The following NTRK3 variants were observed in gnomAD, a reference collection of about 807,000 sequenced individuals.
NTRK3 encodes the protein NT-3 growth factor receptor.
A neutral mutation model predicts 91.7 loss-of-function variants in NTRK3; 24 were observed. That is an observed-to-expected ratio of 0.26 (90% confidence interval 0.19 to 0.37). The LOEUF (loss-of-function observed/expected upper bound fraction) is 0.37, where lower values mean the gene tolerates loss of function less well. Among genes scored for constraint, NTRK3 ranks in the 10% least tolerant of loss-of-function variants. The pLI is 1.00. For synonymous variants in NTRK3, 483 were observed against 404.0 expected (o/e 1.20, Z -2.34); for missense variants, 880 against 1,068.9 (o/e 0.82, Z 2.46).
exon 19 of NTRK3, chr15:87,866,627 G>T: frequency 5.4e-6 from 1 of 185,938 alleles, no homozygotes. Flanking sequence ...GAACAGAGTT[G>T]AAGTATCTAT....
chr15:88,114,122 C>T (rs895947323), intron 13 of NTRK3, among the ~76,000 whole-genome samples: 2 of 152,186 alleles, frequency 1.3e-5, no homozygotes, highest in African/African-American at 2.4e-5. Flanking sequence ...TCCTAAGTGA[C>T]ACCAGAGCCG....
chr15:87,942,440 C>T (rs151257760), intron 14 of NTRK3, among the ~76,000 whole-genome samples: 70 of 152,336 alleles, frequency 4.6e-4, no homozygotes, highest in African/African-American at 1.5e-3. Context: ...GAGTCTCCCA[C>T]TGCGAGAAAA....
At chr15:87,982,749 A>T (rs2074401086) in intron 14 of NTRK3, among the ~76,000 whole-genome samples, 1 of 152,194 alleles carries the variant, frequency 6.6e-6, no homozygotes, top group Non-Finnish European at 1.5e-5. Flanking sequence ...CTTTATATTG[A>T]CTGCAGCAAG....
intron 13 of NTRK3, among the ~76,000 whole-genome samples, chr15:88,097,719 G>C (rs182867103): frequency 6.6e-6 from 1 of 152,186 alleles, no homozygotes; most frequent in African/African-American, 2.4e-5. Flanking sequence ...CTTTAAAAAC[G>C]ATGGTTATAA....
intron 13 of NTRK3, among the ~76,000 whole-genome samples, chr15:88,106,956 A>G (rs1334682639): frequency 6.6e-6 from 1 of 151,562 alleles, no homozygotes; most frequent in African/African-American, 2.4e-5. Context: ...AAAAAAAAGT[A>G]TGGGAATATA....
intron 14 of NTRK3, among the ~76,000 whole-genome samples, chr15:88,021,202 C>T (rs1307411445): frequency 6.6e-6 from 1 of 152,204 alleles, no homozygotes. Flanking sequence ...TGTTACCACC[C>T]CAATTCGGGC....
At chr15:88,102,727 C>T (rs924335754) in intron 13 of NTRK3, among the ~76,000 whole-genome samples, 5 of 152,202 alleles carry the variant, frequency 3.3e-5, no homozygotes, top group African/African-American at 1.2e-4. Context: ...CCTCCGAAAT[C>T]TCCCCAAGAA....
rs190652750 is a variant in NTRK3 at position 87,988,535 on chromosome 15, G to A, written c.1585+44322C>T. 2.8e-4 allele frequency among the ~76,000 whole-genome samples: 43 copies of A among 152,128 alleles called. 1 individual carries two copies. The East Asian group carries it at 5.8e-3, about 20-fold the overall frequency. ...GGATGAGAGATATAAGGGAATGCTC[G>A]GTACCACTGTTATAACTTCTATATG... On this transcript the variant is annotated intron_variant, in intron 14 of 18. Transcript: ENST00000394480.
At chr15:88,135,174 G>C (rs2151190669) in exon 10 of NTRK3, 1 of 1,614,230 alleles carries the variant, frequency 6.2e-7, no homozygotes, top group Non-Finnish European at 8.5e-7. Flanking sequence ...TGGCAATGAG[G>C]GTATAGTTGC....
At chr15:88,189,215 T>G (rs1567613751) in intron 3 of NTRK3, among the ~76,000 whole-genome samples, 1 of 152,114 alleles carries the variant, frequency 6.6e-6, no homozygotes, top group Non-Finnish European at 1.5e-5. Context: ...GCAGAGTCTC[T>G]TTGGCAATTC....
chr15:88,200,925 C>A (rs2048249872), intron 3 of NTRK3, among the ~76,000 whole-genome samples: 1 of 152,210 alleles, frequency 6.6e-6, no homozygotes, highest in South Asian at 2.1e-4. Flanking sequence ...CCCAGCTGCT[C>A]AGCTAGGCTC....
At chr15:88,183,761 A>T (rs2151616693) in intron 4 of NTRK3, among the ~76,000 whole-genome samples, 1 of 152,286 alleles carries the variant, frequency 6.6e-6, no homozygotes, top group South Asian at 2.1e-4. Context: ...GGTAAGGACC[A>T]GGGCTTCTGC....
At chr15:87,910,555 A>C (rs1241068018) in intron 17 of NTRK3, among the ~76,000 whole-genome samples, 1 of 152,242 alleles carries the variant, frequency 6.6e-6, no homozygotes, top group Non-Finnish European at 1.5e-5. Flanking sequence ...TTAAGCAATC[A>C]AAGAGAGAAG....
exon 19 of NTRK3, chr15:87,868,123 A>G (rs957194408): frequency 4.3e-6 from 1 of 231,986 alleles, no homozygotes; most frequent in Non-Finnish European, 8.5e-6. Context: ...CAAATGGGGC[A>G]TATGGATTTG....
In NTRK3 at chr15:88,144,501, G is replaced by C. The variant is rs551417409; in HGVS notation, c.464+2834C>G. Among the ~76,000 whole-genome samples, 7 of 152,258 alleles carry C rather than the reference G, an allele frequency of 4.6e-5. No homozygotes were observed. In the East Asian group the frequency reaches 1.4e-3, roughly 29 times the overall value. On this transcript the variant is annotated intron_variant, in intron 6 of 18. Transcript: ENST00000394480. ...TCAAGGGACCCGACATCTTGAGAGG[G>C]GCTTCTGGAAGGAGAGGCCGAGCAT...
chr15:88,212,793 C>G (rs953662363), intron 3 of NTRK3, among the ~76,000 whole-genome samples: 16 of 151,820 alleles, frequency 1.1e-4, no homozygotes, highest in African/African-American at 3.9e-4. Flanking sequence ...GTATGTCCCA[C>G]TCTGTGGCTG....
chr15:88,165,301 A>G (rs1371462754), intron 5 of NTRK3, among the ~76,000 whole-genome samples: 1 of 152,184 alleles, frequency 6.6e-6, no homozygotes, highest in East Asian at 1.9e-4. Context: ...ATCATTGTTA[A>G]ATAAAAGCAT....
At chr15:88,185,489 CA>C (rs1174601413) in intron 3 of NTRK3, among the ~76,000 whole-genome samples, 2 of 152,150 alleles carry the variant, frequency 1.3e-5, no homozygotes, top group African/African-American at 4.8e-5. Flanking sequence ...AAGCCCTTTG[CA>C]GCTCTAAAGG....
chr15:87,953,565 A>G (rs141399344), intron 14 of NTRK3, among the ~76,000 whole-genome samples: 61 of 152,316 alleles, frequency 4.0e-4, no homozygotes, highest in African/African-American at 1.4e-3. Flanking sequence ...TTCACTGAAT[A>G]TCACTAGACC....
Sources: gnomAD v4.1 joint callset for allele counts (sites outside exome capture counted in the v4.1 genomes callset) on GRCh38, gnomAD v4.1.1 for gene constraint, MANE v1.5 for transcripts, NCBI Gene and HGNC (gene_info 2026-07-23, HGNC 2026-07-21) for gene names.